Variants in MYH10 observed in about 807,000 individuals in gnomAD.
The protein encoded by MYH10 is myosin-10.
In MYH10, 55 loss-of-function variants were observed where a neutral mutation model predicts 257.8. The observed-to-expected ratio is 0.21, with a 90% CI of 0.17 to 0.27. The LOEUF is 0.27. Among genes scored for constraint, MYH10 ranks in the 10% least tolerant of loss-of-function variants. The pLI is 1.00. For synonymous variants in MYH10, 854 were observed against 921.7 expected (o/e 0.93, Z 1.33); for missense variants, 1,631 against 2,500.6 (o/e 0.65, Z 7.42).
intron 4 of MYH10, among the ~76,000 whole-genome samples, chr17:8,586,333 C>A (rs1268990925): frequency 6.6e-6 from 1 of 152,160 alleles, no homozygotes; most frequent in Non-Finnish European, 1.5e-5. Flanking sequence ...AGTTAACTTG[C>A]AGGTCCCCTG....
chr17:8,497,741 A>C (rs1916870508), intron 30 of MYH10, among the ~76,000 whole-genome samples: 1 of 8,446 alleles, frequency 1.2e-4, no homozygotes, highest in South Asian at 3.4e-3. Context: ...TCTGTCTCAA[A>C]AAAAAAAAAA....
At chr17:8,620,081 A>T (rs1023880910) in intron 2 of MYH10, among the ~76,000 whole-genome samples, 1 of 152,206 alleles carries the variant, frequency 6.6e-6, no homozygotes, top group Admixed American at 6.5e-5. Context: ...TATAAACAAT[A>T]CAGTTAAAAA....
At chr17:8,562,091 A>G (rs547576353) in intron 7 of MYH10, among the ~76,000 whole-genome samples, 3 of 152,382 alleles carry the variant, frequency 2.0e-5, no homozygotes, top group South Asian at 4.1e-4. Flanking sequence ...GTTGAAAATT[A>G]TCAACTTTCT....
intron 3 of MYH10, among the ~76,000 whole-genome samples, chr17:8,595,240 A>G (rs2084316978): frequency 1.3e-5 from 2 of 152,136 alleles, no homozygotes; most frequent in African/African-American, 2.4e-5. Flanking sequence ...GGCTACAGTA[A>G]AGGATAATGG....
chr17:8,548,066 T>G (rs1292189712), intron 11 of MYH10, among the ~76,000 whole-genome samples: 5 of 152,118 alleles, frequency 3.3e-5, no homozygotes, highest in African/African-American at 1.2e-4. Flanking sequence ...TGAGTTCTCC[T>G]CCCTCAATTC....
chr17:8,556,638 A>G (rs1004229605), intron 7 of MYH10, among the ~76,000 whole-genome samples: 2 of 152,226 alleles, frequency 1.3e-5, no homozygotes, highest in Non-Finnish European at 2.9e-5. Context: ...GACAACACAA[A>G]GGCAAAAGAA....
chr17:8,590,116 G>C (rs1404357197), intron 3 of MYH10, among the ~76,000 whole-genome samples: 3 of 152,150 alleles, frequency 2.0e-5, no homozygotes, highest in African/African-American at 7.2e-5. Flanking sequence ...TTTTCCTCTG[G>C]TGGATGCCTC....
At chr17:8,509,189 G>C (rs1251674275) in intron 25 of MYH10, among the ~76,000 whole-genome samples, 1 of 152,102 alleles carries the variant, frequency 6.6e-6, no homozygotes, top group Non-Finnish European at 1.5e-5. Flanking sequence ...GATATGTTTA[G>C]ATACACAAGT....
At chr17:8,485,065 G>GGAA (rs1185288607) in intron 36 of MYH10, among the ~76,000 whole-genome samples, 2 of 152,138 alleles carry the variant, frequency 1.3e-5, no homozygotes, top group African/African-American at 4.8e-5. Flanking sequence ...AAAATCTTAA[G>GGAA]GAAGACACTG....
chr17:8,542,017 C>A (rs2082304650), intron 14 of MYH10, 90 bp downstream of exon 14: 9 of 1,290,120 alleles, frequency 7.0e-6, no homozygotes. Flanking sequence ...CACCACTGAA[C>A]AGACTGGGTA....
intron 25 of MYH10, among the ~76,000 whole-genome samples, 192 bp from the exon 26 acceptor site, chr17:8,508,869 G>T (rs1255295901): frequency 6.6e-6 from 1 of 152,260 alleles, no homozygotes; most frequent in East Asian, 1.9e-4. Context: ...ACACGACAGT[G>T]GTCTCCTAAG....
Position 8,490,156 on chromosome 17 carries a change from C to G in MYH10, c.4884+184G>C. 1 of 579,624 alleles carries G rather than the reference C, an allele frequency of 1.7e-6. No homozygotes were observed. Among genetic ancestry groups the G allele is most frequent in the South Asian group, 2.1e-5 (1 of 46,788 alleles). 35.9% of individuals were successfully genotyped at this position (579,624 alleles called of 1,614,324 possible). Reference sequence around the variant, plus strand: ...GAATGATACTGAGAAATAGTAAGACCTAAACTAATTACAATAAAATTTAAA... The same window carrying G: ...GAATGATACTGAGAAATAGTAAGACGTAAACTAATTACAATAAAATTTAAA... On this transcript the variant is annotated intron_variant, in intron 35 of 42. Transcript: ENST00000360416. The surrounding 1 kb of genome is among the most constrained non-coding windows in gnomAD (Gnocchi z 4.1).
rs190005919 is a variant in MYH10 at position 8,622,605 on chromosome 17, C to T, written c.345+297G>A. On this transcript the variant is annotated intron_variant, in intron 2 of 42. Coordinates refer to ENST00000360416, the MANE Select transcript of MYH10 (RefSeq NM_001256012.3). The stretch of plus-strand genomic sequence containing the variant: ...TCTTTACCTTATTAAACCTTCTGGT[C>T]TTCCTGTTACATGCTCTCTCCCACC... Among the ~76,000 whole-genome samples, 32 of 152,332 alleles carry T rather than the reference C, an allele frequency of 2.1e-4. 1 individual carries two copies. The highest frequency in any genetic ancestry group is 1.5e-3 in the East Asian group (8 of 5,190).
intron 2 of MYH10, among the ~76,000 whole-genome samples, chr17:8,605,901 G>A (rs2084780160): frequency 1.3e-5 from 2 of 152,054 alleles, no homozygotes; most frequent in Admixed American, 1.3e-4. Flanking sequence ...AGCTATGTTT[G>A]GTTAATACTA....
chr17:8,537,116 A>G (rs756111135), intron 14 of MYH10, among the ~76,000 whole-genome samples: 13 of 152,250 alleles, frequency 8.5e-5, no homozygotes, highest in Non-Finnish European at 1.6e-4. Flanking sequence ...TGAAAGCTAA[A>G]TAAGATATTT....
chr17:8,510,941 CAGAT>C (rs1480068708), intron 24 of MYH10, among the ~76,000 whole-genome samples: 1 of 147,630 alleles, frequency 6.8e-6, no homozygotes, highest in Non-Finnish European at 1.5e-5. Context: ...CACAGGATCA[CAGAT>C]AGATTACCCC....
intron 1 of MYH10, among the ~76,000 whole-genome samples, chr17:8,625,917 G>A (rs961327176): frequency 5.3e-5 from 8 of 152,138 alleles, no homozygotes; most frequent in African/African-American, 1.7e-4. Flanking sequence ...GTATGTTAGA[G>A]TAGAAAAAGA....
At chr17:8,614,193 AT>A (rs1242376461) in intron 2 of MYH10, among the ~76,000 whole-genome samples, 1 of 152,208 alleles carries the variant, frequency 6.6e-6, no homozygotes, top group Non-Finnish European at 1.5e-5. Context: ...AGTCTAACAA[AT>A]ATAAAAGAAT....
chr17:8,586,911 T>A (rs994582465), intron 4 of MYH10, among the ~76,000 whole-genome samples: 1 of 152,158 alleles, frequency 6.6e-6, no homozygotes, highest in African/African-American at 2.4e-5. Context: ...TCAGCTAAAG[T>A]AATGGCTCCA....
Sources: gnomAD v4.1 joint callset for allele counts (sites outside exome capture counted in the v4.1 genomes callset) on GRCh38, gnomAD v4.1.1 for gene constraint, Gnocchi (gnomAD v3.1) non-coding constraint, MANE v1.5 for transcripts, NCBI Gene and HGNC (gene_info 2026-07-23, HGNC 2026-07-21) for gene names.